RANGAP1: variants seen among roughly 807,000 people sequenced by gnomAD.
The protein encoded by RANGAP1 is ran GTPase-activating protein 1.
Under a neutral mutation model 63.5 loss-of-function variants are expected in RANGAP1, and 38 were observed. That is an observed-to-expected ratio of 0.60 (90% CI 0.46 to 0.78). RANGAP1 has a LOEUF of 0.78. Ranked by LOEUF, RANGAP1 falls within the 30% of genes least tolerant of loss-of-function variation. RANGAP1 has a pLI of 0.00. For missense variants in RANGAP1, 630 were observed against 740.3 expected (o/e 0.85, Z 1.73); for synonymous variants, 329 against 310.5 (o/e 1.06, Z -0.63).
At chr22:41,252,398 T>C (rs1027875910) in intron 12 of RANGAP1, among the ~76,000 whole-genome samples, 1 of 152,108 alleles carries the variant, frequency 6.6e-6, no homozygotes, top group African/African-American at 2.4e-5. Flanking sequence ...CATGCCCAAA[T>C]GCAGTGCCTG....
chr22:41,286,275 G>T (rs1478297724), upstream of RANGAP1: 1 of 152,218 alleles, frequency 6.6e-6, no homozygotes, highest in Non-Finnish European at 1.5e-5. Flanking sequence ...GCTTGCCCTC[G>T]CCCCGCTCGC....
At chr22:41,298,018 T>A in the RANGAP1 span, among the ~76,000 whole-genome samples, 3 of 152,004 alleles carry the variant, frequency 2.0e-5, no homozygotes, top group Non-Finnish European at 4.4e-5. Context: ...TGACCACGCC[T>A]GGCTGATATT....
At chr22:41,278,986 C>A (rs548678282) in intron 2 of RANGAP1, among the ~76,000 whole-genome samples, 2 of 152,000 alleles carry the variant, frequency 1.3e-5, no homozygotes, top group East Asian at 1.9e-4. Flanking sequence ...ACTAAAAATA[C>A]AAAAAAATTA....
chr22:41,274,989 G>C (rs1418846548), intron 2 of RANGAP1, among the ~76,000 whole-genome samples: 1 of 152,090 alleles, frequency 6.6e-6, no homozygotes, highest in Non-Finnish European at 1.5e-5. Context: ...TCACAGCAAA[G>C]AAGACTTTGC....
intron 10 of RANGAP1, among the ~76,000 whole-genome samples, chr22:41,255,505 G>C (rs1480752742): frequency 6.6e-6 from 1 of 151,486 alleles, no homozygotes; most frequent in Non-Finnish European, 1.5e-5. Flanking sequence ...GAACAATCCC[G>C]AGTGCAGCCC....
rs1225676564 is a variant in RANGAP1 at position 41,244,859 on chromosome 22, T to C, written c.*1744A>G. On this transcript the variant is annotated 3_prime_UTR_variant, in exon 16 of 16. Transcript: ENST00000356244. The stretch of plus-strand genomic sequence containing the variant: ...GTTATGCAACCATCACCACTCTCCA[T>C]TTCCAGAACATCTTCATCATCCCAG... Among the ~76,000 whole-genome samples the C allele has an allele frequency of 6.6e-6, 1 of 152,206 alleles. No homozygotes were observed. The highest frequency in any genetic ancestry group is 1.5e-5 in the Non-Finnish European group (1 of 68,046).
At chr22:41,251,245 G>A (rs1046130317) in intron 12 of RANGAP1, 136 bp from the exon 13 acceptor site, 2 of 628,670 alleles carry the variant, frequency 3.2e-6, no homozygotes, top group Admixed American at 2.9e-5. Flanking sequence ...ACCCCATGCT[G>A]TCCCTTCAGA....
intron 3 of RANGAP1, among the ~76,000 whole-genome samples, chr22:41,269,043 CA>C (rs1190724697): frequency 6.6e-6 from 1 of 152,200 alleles, no homozygotes; most frequent in African/African-American, 2.4e-5. Flanking sequence ...GCTTTCCATT[CA>C]TAGAAGTGCT....
Position 41,264,849 on chromosome 22 carries a change from C to A in RANGAP1, c.301-6G>T. 2 of 1,593,180 alleles carry A rather than the reference C, an allele frequency of 1.3e-6. No homozygotes were observed. The highest frequency in any genetic ancestry group is 2.3e-5 in the East Asian group (1 of 44,274). ...AGTCCTTCCCCTAGTGAGATCTGGGCACAGAGGAAGCTCGTGTCAGTTTCA... is the reference window on the plus strand; with the variant it reads ...AGTCCTTCCCCTAGTGAGATCTGGGAACAGAGGAAGCTCGTGTCAGTTTCA... On this transcript the variant is annotated splice_polypyrimidine_tract_variant and splice_region_variant and intron_variant, in intron 4 of 15. Coordinates refer to ENST00000356244, the MANE Select transcript of RANGAP1 (RefSeq NM_002883.4).
chr22:41,262,643 T>C (rs1485822788), intron 5 of RANGAP1, among the ~76,000 whole-genome samples: 1 of 152,148 alleles, frequency 6.6e-6, no homozygotes, highest in Non-Finnish European at 1.5e-5. Context: ...TCCACGGTGG[T>C]GATGGTGGAT....
chr22:41,261,299 G>A (rs373783328), intron 6 of RANGAP1, 147 bp downstream of exon 6: 25 of 1,244,314 alleles, frequency 2.0e-5, no homozygotes, highest in African/African-American at 1.1e-4. Flanking sequence ...GCTCATTTTC[G>A]GATGGGTTAA....
chr22:41,260,704 G>A (rs905590674), intron 6 of RANGAP1, among the ~76,000 whole-genome samples: 8 of 152,122 alleles, frequency 5.3e-5, no homozygotes, highest in Non-Finnish European at 7.4e-5. Flanking sequence ...AAAATTAGCC[G>A]GGTGTGGTGG....
At chr22:41,256,902 C>G (rs1464852490) in intron 7 of RANGAP1, 78 bp from the exon 8 acceptor site, 1 of 1,059,436 alleles carries the variant, frequency 9.4e-7, no homozygotes, top group East Asian at 2.5e-5. Context: ...GGGCCCCACA[C>G]GGTCACATCC....
chr22:41,257,914 C>A lies in RANGAP1; in HGVS notation c.774+34G>T, dbSNP rs371406099. On this transcript the variant is annotated intron_variant, in intron 7 of 15. Transcript: ENST00000356244. The surrounding 1 kb of genome is among the most constrained non-coding windows in gnomAD (Gnocchi z 4.0). ...AAGACAGCAGCCAGCCTCTATCTGGCGGGGCCCAACTGGCTCTGCCACACT... is the reference window on the plus strand; with the variant it reads ...AAGACAGCAGCCAGCCTCTATCTGGAGGGGCCCAACTGGCTCTGCCACACT... The A allele has an allele frequency of 6.4e-7, 1 of 1,566,044 alleles. No individual in the cohort carries two copies. The highest frequency in any genetic ancestry group is 8.7e-7 in the Non-Finnish European group (1 of 1,151,626).
intron 8 of RANGAP1, 62 bp downstream of exon 8, chr22:41,256,649 C>T (rs919229851): frequency 5.5e-6 from 8 of 1,450,430 alleles, no homozygotes; most frequent in Admixed American, 5.3e-5. Flanking sequence ...GACCCCTGTG[C>T]CCCCAGCCGC....
chr22:41,281,433 G>C, intron 1 of RANGAP1: 1 of 1,005,800 alleles, frequency 9.9e-7, no homozygotes. Flanking sequence ...ACCAAAGGCT[G>C]CAGAGTCTGG....
upstream of RANGAP1, among the ~76,000 whole-genome samples, chr22:41,286,857 C>T (rs1345314817): frequency 6.6e-6 from 1 of 152,114 alleles, no homozygotes; most frequent in Non-Finnish European, 1.5e-5. Flanking sequence ...TGACCTTAGT[C>T]TAATCATGAG....
At position 41,268,163 on chromosome 22, in the gene RANGAP1, C is replaced by G; in HGVS notation, c.241-7G>C. 1 of 1,546,932 alleles carries G rather than the reference C, an allele frequency of 6.5e-7. No individual in the cohort carries two copies. Among genetic ancestry groups the G allele is most frequent in the Non-Finnish European group, 8.8e-7 (1 of 1,141,986 alleles). The stretch of plus-strand genomic sequence containing the variant: ...TGTCACTCCAGTGGCAGCGCTGCAA[C>G]GGAAAGAAGAGAAGAGTTAGCGGGA... On this transcript the variant is annotated splice_region_variant and splice_polypyrimidine_tract_variant and intron_variant, in intron 3 of 15. Transcript: ENST00000356244.
At chr22:41,263,154 C>A (rs2034269958) in intron 5 of RANGAP1, among the ~76,000 whole-genome samples, 1 of 152,154 alleles carries the variant, frequency 6.6e-6, no homozygotes, top group South Asian at 2.1e-4. Context: ...CCCAACTCAC[C>A]CCATTACAAG....
Sources: gnomAD v4.1 joint callset for allele counts (sites outside exome capture counted in the v4.1 genomes callset) on GRCh38, gnomAD v4.1.1 for gene constraint, Gnocchi (gnomAD v3.1) non-coding constraint, MANE v1.5 for transcripts, NCBI Gene and HGNC (gene_info 2026-07-23, HGNC 2026-07-21) for gene names.